BOLA1: variants seen among roughly 807,000 people sequenced by gnomAD.
BOLA1 encodes the protein bolA family member 1, also known as bolA-like protein 1.
Under a neutral mutation model 6.6 loss-of-function variants are expected in BOLA1, and 6 were observed. That is an observed-to-expected ratio of 0.92 (90% confidence interval 0.50 to 1.81). The LOEUF (loss-of-function observed/expected upper bound fraction) is 1.81, where lower values mean the gene tolerates loss of function less well. Among genes scored for constraint, BOLA1 ranks in the 40% most tolerant of loss-of-function variants. The probability of loss-of-function intolerance (pLI) is 0.01; values close to 1 mark genes in which losing one functional copy is unlikely to be tolerated. For synonymous variants in BOLA1, 87 were observed against 85.6 expected, an observed-to-expected ratio of 1.02 and a Z score of -0.09; for missense variants, 183 against 186.8, an observed-to-expected ratio of 0.98 and a Z score of 0.12.
chr1:149,899,968 G>T, intron 1 of BOLA1, 42 bp from the exon 2 acceptor site: 2 of 1,474,788 alleles, frequency 1.4e-6, no homozygotes, highest in South Asian at 1.3e-5. Context: ...TAGGGCGGAT[G>T]CGGGGATCGC....
Position 149,900,442 on chromosome 1 carries a change from G to A in BOLA1, c.383G>A (p.Gly128Asp). The change falls in exon 2 of 2, where the codon GGT becomes GAT. Residue 128 changes from glycine (G) to aspartate (D), a missense_variant. Coordinates refer to ENST00000369152, the MANE Select transcript of BOLA1 (RefSeq NM_016074.5). Reference protein sequence around the residue: ...SQLDTSPPCLGGNKKTLGTP With the variant: ...SQLDTSPPCLDGNKKTLGTP ...CTGGACACTAGCCCCCCATGCCTGG[G>A]TGGGAACAAGAAAACTCTAGGAACC... 2 of 1,588,282 alleles carry A rather than the reference G, an allele frequency of 1.3e-6. No individual in the cohort carries two copies. Among genetic ancestry groups the A allele is most frequent in the Non-Finnish European group, 1.7e-6 (2 of 1,162,524 alleles).
At chr1:149,899,884 G>A (rs1571484107) in intron 1 of BOLA1, 126 bp from the exon 2 acceptor site, 2 of 636,744 alleles carry the variant, frequency 3.1e-6, no homozygotes, top group East Asian at 6.1e-5. Context: ...AAAAGGGGCG[G>A]TGTCTCGGGT....
chr1:149,899,958 T>C (rs2092381567), intron 1 of BOLA1, 52 bp from the exon 2 acceptor site: 1 of 1,448,944 alleles, frequency 6.9e-7, no homozygotes, highest in Admixed American at 2.3e-5. Context: ...GGCGTGGGGT[T>C]AGGGCGGATG....
At position 149,900,163 on chromosome 1, in the gene BOLA1, C is replaced by T. The variant is rs782583787; in HGVS notation, c.104C>T (p.Ala35Val). The T allele has an allele frequency of 8.2e-5, 132 of 1,613,612 alleles. No homozygotes were observed. In the Admixed American group the frequency reaches 2.1e-3, roughly 26 times the overall value. ...GSGAIGPVEA[A>V]IRTKLEEALS... ...GGGGCCATCGGTCCGGTGGAGGCCG[C>T]CATTCGCACGAAGTTGGAGGAGGCC... Residue 35 changes from alanine (A) to valine (V), a missense_variant, in exon 2 of 2, where the codon GCC becomes GTC. Coordinates refer to ENST00000369152, the MANE Select transcript of BOLA1 (RefSeq NM_016074.5).
Position 149,900,678 on chromosome 1 carries a change from C to G in BOLA1, c.*205C>G. ...AAGAGAAGAATCACTCACTACTGCT[C>G]TTGCCCTGGACTATTCAGGAAGGGC... On this transcript the variant is annotated 3_prime_UTR_variant, in exon 2 of 2. Transcript: ENST00000369152. 1.8e-6 allele frequency: 1 copy of G among 569,494 alleles called. No homozygotes were observed. Among genetic ancestry groups the G allele is most frequent in the Non-Finnish European group, 3.1e-6 (1 of 326,478 alleles). The allele number at this position is 569,494 out of a possible 1,614,324, so 35.3% of individuals were successfully genotyped here.
intron 1 of BOLA1, 32 bp downstream of exon 1, chr1:149,899,704 A>C: frequency 4.1e-6 from 1 of 243,462 alleles, no homozygotes; most frequent in Non-Finnish European, 7.9e-6. Context: ...CTTCACAGGG[A>C]ACACAGGGGC....
rs1190961096 is a variant in BOLA1 at position 149,900,290 on chromosome 1, C to A, written c.231C>A (p.Phe77Leu). 2 of 1,613,602 alleles carry A rather than the reference C, an allele frequency of 1.2e-6. No homozygotes were observed. Among genetic ancestry groups the A allele is most frequent in the Non-Finnish European group, 1.7e-6 (2 of 1,179,830 alleles). The change falls in exon 2 of 2, where the codon TTC becomes TTA. Residue 77 changes from phenylalanine to leucine, a missense_variant. Coordinates refer to ENST00000369152, the MANE Select transcript of BOLA1 (RefSeq NM_016074.5). Reference sequence around the variant, plus strand: ...GCGTGGCTGTGGTGAGCTCTCGTTTCGAGGGACTGAGCCCCCTACAACGAC... The same window carrying A: ...GCGTGGCTGTGGTGAGCTCTCGTTTAGAGGGACTGAGCCCCCTACAACGAC... ...HFRVAVVSSR[F>L]EGLSPLQRHR...
Position 149,900,490 on chromosome 1 carries a change from G to T in BOLA1, c.*17G>T. The T allele has an allele frequency of 6.5e-7, 1 of 1,546,680 alleles. No homozygotes were observed. The highest frequency in any genetic ancestry group is 1.2e-5 in the South Asian group (1 of 82,716). On this transcript the variant is annotated 3_prime_UTR_variant, in exon 2 of 2. Coordinates refer to ENST00000369152, the MANE Select transcript of BOLA1 (RefSeq NM_016074.5). ...ACCCCCTGAACCCCAAGAGAGGGAG[G>T]ACCAGGATCCGAATGGGCTGGGTGA...
rs373972793 is a variant in BOLA1, at chr1:149,900,383, A to G, written c.324A>G (p.Ala108=). 4 of 1,613,080 alleles carry G rather than the reference A, an allele frequency of 2.5e-6. No homozygotes were observed. The highest frequency in any genetic ancestry group is 4.5e-5 in the East Asian group (2 of 44,858). The part of the protein sequence containing the change: ...GGPVHALAIQ[A]RTPAQWRENS... ...CGGTCCATGCGCTGGCCATCCAGGCACGGACCCCCGCCCAGTGGAGAGAGA... is the reference window on the plus strand; with the variant it reads ...CGGTCCATGCGCTGGCCATCCAGGCGCGGACCCCCGCCCAGTGGAGAGAGA... Residue 108 remains alanine, a synonymous_variant, in exon 2 of 2, where the codon GCA becomes GCG. Coordinates refer to ENST00000369152, the MANE Select transcript of BOLA1 (RefSeq NM_016074.5).
rs782313811 is a variant in BOLA1 at position 149,900,093 on chromosome 1, T to C, written c.34T>C (p.Ser12Pro). 1 of 1,608,456 alleles carries C rather than the reference T, an allele frequency of 6.2e-7. No homozygotes were observed. The highest frequency in any genetic ancestry group is 2.2e-5 in the East Asian group (1 of 44,732). ...LSGRLVLGLVSMAGRVCLCQG... is the reference protein window; with the variant it reads ...LSGRLVLGLVPMAGRVCLCQG... The stretch of plus-strand genomic sequence containing the variant: ...TGGGCGGCTGGTCCTGGGTCTGGTC[T>C]CCATGGCTGGCCGCGTTTGTTTGTG... Residue 12 changes from serine (S) to proline (P), a missense_variant, in exon 2 of 2, where the codon TCC becomes CCC. Physicochemically the swap from Ser to Pro is moderately conservative, Grantham distance 74. Transcript: ENST00000369152.
rs782097797 is a variant in BOLA1, at chr1:149,900,136, C to T, written c.77C>T (p.Ser26Phe). ...TGTTTGTGCCAGGGCAGCGCGGGATCCGGGGCCATCGGTCCGGTGGAGGCC... is the reference window on the plus strand; with the variant it reads ...TGTTTGTGCCAGGGCAGCGCGGGATTCGGGGCCATCGGTCCGGTGGAGGCC... Reference protein sequence around the residue: ...RVCLCQGSAGSGAIGPVEAAI... With the variant: ...RVCLCQGSAGFGAIGPVEAAI... The change falls in exon 2 of 2, where the codon TCC (serine) becomes TTC (phenylalanine). Residue 26 changes from serine (S) to phenylalanine (F), a missense_variant. Ser to Phe is a radical substitution (Grantham distance 155). Coordinates refer to ENST00000369152, the MANE Select transcript of BOLA1 (RefSeq NM_016074.5). 6.2e-7 allele frequency: 1 copy of T among 1,613,216 alleles called. No homozygotes were observed. The highest frequency in any genetic ancestry group is 8.5e-7 in the Non-Finnish European group (1 of 1,179,546).
chr1:149,900,342 G>A lies in BOLA1; in HGVS notation c.283G>A (p.Glu95Lys), dbSNP rs371656521. The stretch of plus-strand genomic sequence containing the variant: ...CCGGCTGGTCCACGCAGCGCTGGCC[G>A]AGGAGCTGGGAGGTCCGGTCCATGC... ...RHRLVHAALA[E>K]ELGGPVHALA... Residue 95 changes from glutamate (E) to lysine (K), a missense_variant, in exon 2 of 2, where the codon GAG becomes AAG. Coordinates refer to ENST00000369152, the MANE Select transcript of BOLA1 (RefSeq NM_016074.5). The A allele has an allele frequency of 5.6e-6, 9 of 1,613,196 alleles. No homozygotes were observed. The African/African-American group carries it at 9.3e-5, about 17-fold the overall frequency.
intron 1 of BOLA1, 142 bp downstream of exon 1, chr1:149,899,814 A>G (rs781874773): frequency 6.2e-6 from 3 of 487,508 alleles, no homozygotes; most frequent in East Asian, 3.2e-5. Flanking sequence ...GGGCCTTTCT[A>G]ATCTTCGCTT....
rs782649667 is a variant in BOLA1 at position 149,900,313 on chromosome 1, G to A, written c.254G>A (p.Arg85Gln). Residue 85 changes from arginine (R) to glutamine (Q), a missense_variant, in exon 2 of 2, where the codon CGA becomes CAA. Arg to Gln is a conservative substitution (Grantham distance 43). Coordinates refer to ENST00000369152, the MANE Select transcript of BOLA1 (RefSeq NM_016074.5). ...SRFEGLSPLQ[R>Q]HRLVHAALAE... is the part of the protein sequence containing the mutation. Reference sequence around the variant, plus strand: ...TTCGAGGGACTGAGCCCCCTACAACGACACCGGCTGGTCCACGCAGCGCTG... The same window carrying A: ...TTCGAGGGACTGAGCCCCCTACAACAACACCGGCTGGTCCACGCAGCGCTG... 37 of 1,613,670 alleles carry A rather than the reference G, an allele frequency of 2.3e-5. No homozygotes were observed. The highest frequency in any genetic ancestry group is 3.1e-5 in the Non-Finnish European group (37 of 1,179,942).
chr1:149,900,107 C>T lies in BOLA1; in HGVS notation c.48C>T (p.Arg16=), dbSNP rs1571484711. Residue 16 remains arginine, a synonymous_variant, in exon 2 of 2, where the codon CGC becomes CGT. Transcript: ENST00000369152. ...LVLGLVSMAG[R]VCLCQGSAGS... ...TGGGTCTGGTCTCCATGGCTGGCCG[C>T]GTTTGTTTGTGCCAGGGCAGCGCGG... The T allele has an allele frequency of 1.9e-6, 3 of 1,610,268 alleles. No individual in the cohort carries two copies. The highest frequency in any genetic ancestry group is 1.1e-5 in the South Asian group (1 of 90,830).
chr1:149,900,254 G>T lies in BOLA1; in HGVS notation c.195G>T (p.Glu65Asp), dbSNP rs1159439395. 2 of 1,612,996 alleles carry T rather than the reference G, an allele frequency of 1.2e-6. No individual in the cohort carries two copies. Among genetic ancestry groups the T allele is most frequent in the Non-Finnish European group, 1.7e-6 (2 of 1,179,248 alleles). Residue 65 changes from glutamate to aspartate, a missense_variant, in exon 2 of 2, where the codon GAG becomes GAT. By Grantham distance (45) the Glu-to-Asp change is conservative. Transcript: ENST00000369152. ...SGGHAVPPGS[E>D]THFRVAVVSS... ...GCCACGCGGTCCCGCCTGGCAGTGA[G>T]ACTCACTTCCGCGTGGCTGTGGTGA...
Position 149,900,558 on chromosome 1 carries a change from T to A in BOLA1, c.*85T>A. On this transcript the variant is annotated 3_prime_UTR_variant, in exon 2 of 2. Transcript: ENST00000369152. ...CTTCCCTTTGATACAGTCCAGGATT[T>A]GTAAGGGATGAAGACCCCTGGGCCC... The A allele has an allele frequency of 7.0e-7, 1 of 1,436,974 alleles. No individual in the cohort carries two copies. 89.0% of individuals were successfully genotyped at this position (1,436,974 alleles called of 1,614,324 possible). A position where few individuals can be genotyped will look rare whatever the true frequency, so the allele number is the denominator to read the frequency against.
At position 149,900,294 on chromosome 1, in the gene BOLA1, G is replaced by A. The variant is rs370847214; in HGVS notation, c.235G>A (p.Gly79Arg). ...GGCTGTGGTGAGCTCTCGTTTCGAG[G>A]GACTGAGCCCCCTACAACGACACCG... ...RVAVVSSRFE[G>R]LSPLQRHRLV... Residue 79 changes from glycine (G) to arginine (R), a missense_variant, in exon 2 of 2, where the codon GGA becomes AGA. By Grantham distance (125) the Gly-to-Arg change is moderately radical. Transcript: ENST00000369152. 6 of 1,613,556 alleles carry A rather than the reference G, an allele frequency of 3.7e-6. No homozygotes were observed. In the East Asian group the frequency reaches 8.9e-5, roughly 24 times the overall value.
At position 149,900,133 on chromosome 1, in the gene BOLA1, GATCCGGGGCC is replaced by G. The variant is rs1559781280; in HGVS notation, c.78_87del (p.Gly27ValfsTer15). ...GTTTGTTTGTGCCAGGGCAGCGCGG[GATCCGGGGCC>G]ATCGGTCCGGTGGAGGCCGCCATTC... On this transcript the variant is annotated frameshift_variant, in exon 2 of 2. Transcript: ENST00000369152. LOFTEE classifies it high-confidence loss of function. 1 of 1,613,058 alleles carries G rather than the reference GATCCGGGGCC, an allele frequency of 6.2e-7. No homozygotes were observed. The highest frequency in any genetic ancestry group is 2.2e-5 in the East Asian group (1 of 44,834).
Sources: gnomAD v4.1 joint callset for allele counts on GRCh38, gnomAD v4.1.1 for gene constraint, MANE v1.5 for transcripts, NCBI Gene and HGNC (gene_info 2026-07-23, HGNC 2026-07-21) for gene names.